The following MAP2K5 variants were observed in gnomAD, a reference collection of about 807,000 sequenced individuals.
MAP2K5 encodes the protein dual specificity mitogen-activated protein kinase kinase 5.
Under a neutral mutation model 83.1 loss-of-function variants are expected in MAP2K5, and 49 were observed. That is an observed-to-expected ratio of 0.59 (90% CI 0.47 to 0.75). MAP2K5 has a LOEUF of 0.75. Among genes scored for constraint, MAP2K5 ranks in the 30% least tolerant of loss-of-function variants. MAP2K5 has a pLI of 0.00. For missense variants in MAP2K5, 457 were observed against 557.5 expected, an observed-to-expected ratio of 0.82 and a Z score of 1.82; for synonymous variants, 202 against 191.8, an observed-to-expected ratio of 1.05 and a Z score of -0.44.
At chr15:67,784,314 T>C (rs1017647936) in intron 21 of MAP2K5, among the ~76,000 whole-genome samples, 6 of 152,246 alleles carry the variant, frequency 3.9e-5, no homozygotes, top group Non-Finnish European at 8.8e-5. Context: ...AGGATTGTTA[T>C]TGTGGTTTAG....
At chr15:67,566,262 C>T (rs2084837004) in intron 3 of MAP2K5, among the ~76,000 whole-genome samples, 1 of 152,028 alleles carries the variant, frequency 6.6e-6, no homozygotes, top group South Asian at 2.1e-4. Flanking sequence ...GCAACCTCCG[C>T]CTCCTGGGTT....
At position 67,803,208 on chromosome 15, in the gene MAP2K5, A is replaced by G. The variant is rs556272303; in HGVS notation, c.1243-3438A>G. Among the ~76,000 whole-genome samples, 301 of 152,338 alleles carry G rather than the reference A, an allele frequency of 2.0e-3. 1 individual carries two copies. The highest frequency in any genetic ancestry group is 2.9e-3 in the Non-Finnish European group (195 of 68,018). ...AGTGGTGTAAAGCATCACGGATACAATGTGCCTCATCAGTAATACGAAGGA... is the reference window on the plus strand; with the variant it reads ...AGTGGTGTAAAGCATCACGGATACAGTGTGCCTCATCAGTAATACGAAGGA... On this transcript the variant is annotated intron_variant, in intron 21 of 21. Transcript: ENST00000178640.
chr15:67,580,656 C>G, intron 3 of MAP2K5, 98 bp from the exon 4 acceptor site: 1 of 779,910 alleles, frequency 1.3e-6, no homozygotes, highest in Non-Finnish European at 2.3e-6. Context: ...ATGTATATAC[C>G]AGCAATTTAC....
At chr15:67,581,341 T>C (rs1379297670) in intron 4 of MAP2K5, among the ~76,000 whole-genome samples, 1 of 152,244 alleles carries the variant, frequency 6.6e-6, no homozygotes, top group Non-Finnish European at 1.5e-5. Context: ...AAATATGAGC[T>C]GATGAGAGTA....
At position 67,559,826 on chromosome 15, in the gene MAP2K5, T is replaced by A. The variant is rs1009956123; in HGVS notation, c.185-3457T>A. ...ACCCCCACCCCTTTTGTTGGTCATA[T>A]CCGGTAACGTTTTTTTGGTCAGATG... On this transcript the variant is annotated intron_variant, in intron 2 of 21. Coordinates refer to ENST00000178640, the MANE Select transcript of MAP2K5 (RefSeq NM_145160.3). The surrounding 1 kb of genome is among the most constrained non-coding windows in gnomAD (Gnocchi z 4.7). 6.6e-6 allele frequency among the ~76,000 whole-genome samples: 1 copy of A among 152,194 alleles called. No individual in the cohort carries two copies. Among genetic ancestry groups the A allele is most frequent in the African/African-American group, 2.4e-5 (1 of 41,452 alleles).
At chr15:67,582,300 T>C (rs1231545374) in intron 4 of MAP2K5, among the ~76,000 whole-genome samples, 4 of 152,078 alleles carry the variant, frequency 2.6e-5, no homozygotes, top group African/African-American at 9.7e-5. Flanking sequence ...GACCTCATGA[T>C]CCACTCCCCT....
intron 2 of MAP2K5, among the ~76,000 whole-genome samples, chr15:67,558,082 G>A (rs1286971721): frequency 6.6e-6 from 1 of 152,150 alleles, no homozygotes; most frequent in Non-Finnish European, 1.5e-5. Flanking sequence ...TCTTATGAGA[G>A]TAGTCATTTC....
At chr15:67,622,794 T>TA in intron 8 of MAP2K5, among the ~76,000 whole-genome samples, 1 of 152,162 alleles carries the variant, frequency 6.6e-6, no homozygotes, top group African/African-American at 2.4e-5. Flanking sequence ...TTTAACTTTA[T>TA]AGCGTTTATA....
chr15:67,548,675 T>C (rs2084444694), intron 1 of MAP2K5, among the ~76,000 whole-genome samples: 1 of 152,240 alleles, frequency 6.6e-6, no homozygotes, highest in African/African-American at 2.4e-5. Flanking sequence ...TCCACTGGAT[T>C]GCCTGTGTGC....
intron 12 of MAP2K5, among the ~76,000 whole-genome samples, chr15:67,662,081 T>TA (rs2087252422): frequency 6.6e-6 from 1 of 152,150 alleles, no homozygotes; most frequent in African/African-American, 2.4e-5. Context: ...TCATTTGCTA[T>TA]AAAAATGTAT....
chr15:67,721,281 T>G lies in MAP2K5; in HGVS notation c.1045-6635T>G, dbSNP rs76491044. ...ACCTTCTGAATGGTAGATAAGTGCT[T>G]GATTTATTTATTTGTGCTACTGTTT... On this transcript the variant is annotated intron_variant, in intron 16 of 21. Transcript: ENST00000178640. Among the ~76,000 whole-genome samples, 572 of 152,242 alleles carry G rather than the reference T, an allele frequency of 3.8e-3. 4 individuals carry two copies. Among genetic ancestry groups the G allele is most frequent in the African/African-American group, 0.013 (550 of 41,542 alleles).
chr15:67,578,641 G>A (rs148430059), intron 3 of MAP2K5, among the ~76,000 whole-genome samples: 4 of 151,872 alleles, frequency 2.6e-5, no homozygotes, highest in East Asian at 1.9e-4. Flanking sequence ...TGTGTTAGTC[G>A]TAGTACAGAG....
rs77955129 is a variant in MAP2K5 at position 67,565,725 on chromosome 15, T to C, written c.252+2375T>C. On this transcript the variant is annotated intron_variant, in intron 3 of 21. Transcript: ENST00000178640. The surrounding 1 kb of genome is among the most constrained non-coding windows in gnomAD (Gnocchi z 4.1). Reference sequence around the variant, plus strand: ...TTAAAAGTTTCTGAGATTACTTGGGTCCACTTTTTTTTATCTGAATAGAAG... The same window carrying C: ...TTAAAAGTTTCTGAGATTACTTGGGCCCACTTTTTTTTATCTGAATAGAAG... 5.5e-3 allele frequency among the ~76,000 whole-genome samples: 844 copies of C among 152,304 alleles called. 4 individuals are homozygous for C. Among genetic ancestry groups the C allele is most frequent in the African/African-American group, 0.02 (813 of 41,560 alleles).
chr15:67,743,651 AGGCTTTCT>A (rs1336336039), intron 17 of MAP2K5, among the ~76,000 whole-genome samples: 2 of 152,184 alleles, frequency 1.3e-5, no homozygotes, highest in African/African-American at 4.8e-5. Flanking sequence ...TTCTCATTGA[AGGCTTTCT>A]GAGATATGGA....
chr15:67,732,974 G>A (rs1302304983), intron 17 of MAP2K5, among the ~76,000 whole-genome samples: 2 of 152,184 alleles, frequency 1.3e-5, no homozygotes, highest in African/African-American at 4.8e-5. Context: ...GGGCTTAACA[G>A]CGACTGTGGG....
At chr15:67,650,714 T>A (rs1481286193) in intron 11 of MAP2K5, among the ~76,000 whole-genome samples, 1 of 152,170 alleles carries the variant, frequency 6.6e-6, no homozygotes, top group African/African-American at 2.4e-5. Flanking sequence ...TTTTTATATG[T>A]TCCTGGGTTC....
intron 16 of MAP2K5, among the ~76,000 whole-genome samples, chr15:67,726,665 C>A (rs543195737): frequency 6.6e-6 from 1 of 152,258 alleles, no homozygotes; most frequent in South Asian, 2.1e-4. Context: ...AGGGTCAGTT[C>A]CTAGGCTTCC....
chr15:67,661,243 A>T (rs2141146488), intron 12 of MAP2K5, among the ~76,000 whole-genome samples: 1 of 152,128 alleles, frequency 6.6e-6, no homozygotes, highest in South Asian at 2.1e-4. Flanking sequence ...TATCCATTTG[A>T]ATCTGGTCTT....
intron 19 of MAP2K5, among the ~76,000 whole-genome samples, chr15:67,759,202 T>C (rs1652973137): frequency 6.6e-6 from 1 of 151,922 alleles, no homozygotes; most frequent in Admixed American, 6.6e-5. Context: ...AAATAGCCGG[T>C]GCTGGGGGGT....
Sources: allele counts gnomAD v4.1 joint callset (sites outside exome capture counted in the v4.1 genomes callset), GRCh38; gene constraint gnomAD v4.1.1; non-coding constraint Gnocchi (gnomAD v3.1); transcripts MANE v1.5; gene names NCBI Gene and HGNC (gene_info 2026-07-23, HGNC 2026-07-21).